CSMD3: variants seen among roughly 807,000 people sequenced by gnomAD.
CSMD3 encodes the protein CUB and sushi domain-containing protein 3.
CSMD3 carries 177 observed loss-of-function variants against 435.2 expected under a neutral mutation model. The ratio of observed to expected loss-of-function variants is 0.41; its 90% confidence interval spans 0.36 to 0.46. CSMD3 has a LOEUF of 0.46. Ranked by LOEUF, CSMD3 falls within the 20% of genes least tolerant of loss-of-function variation. CSMD3 has a pLI of 0.34. For synonymous variants in CSMD3, 1,656 were observed against 1,520.5 expected, an observed-to-expected ratio of 1.09 and a Z score of -2.07; for missense variants, 4,265 against 4,504.6, an observed-to-expected ratio of 0.95 and a Z score of 1.52.
At chr8:112,755,279 C>T (rs1458988948) in intron 13 of CSMD3, among the ~76,000 whole-genome samples, 1 of 151,196 alleles carries the variant, frequency 6.6e-6, no homozygotes, top group African/African-American at 2.4e-5. Flanking sequence ...TGCAGTGAGC[C>T]GAGATTGCGC....
Position 112,244,216 on chromosome 8 carries a change from T to A in CSMD3, c.10402+178A>T, listed in dbSNP as rs185127453. ...ATTCTCATGGGAAAAAAGCTATGAA[T>A]AGACTCATAAAATTTATATGCCTCT... is the stretch of plus-strand genomic sequence containing the variant. On this transcript the variant is annotated intron_variant, in intron 65 of 70. Coordinates refer to ENST00000297405, the MANE Select transcript of CSMD3 (RefSeq NM_198123.2). 1.8e-4 allele frequency among the ~76,000 whole-genome samples: 27 copies of A among 152,268 alleles called. 1 individual carries two copies. The highest frequency in any genetic ancestry group is 1.0e-4 in the Non-Finnish European group (7 of 68,016).
chr8:112,703,108 T>C (rs1264311515), intron 13 of CSMD3, among the ~76,000 whole-genome samples: 1 of 152,206 alleles, frequency 6.6e-6, no homozygotes, highest in Non-Finnish European at 1.5e-5. Context: ...GAATATAAAA[T>C]GAGGTTGGGA....
chr8:112,882,960 T>A (rs971598826), intron 10 of CSMD3, among the ~76,000 whole-genome samples: 1 of 151,926 alleles, frequency 6.6e-6, no homozygotes, highest in Non-Finnish European at 1.5e-5. Flanking sequence ...AGCTCATATT[T>A]AAGATTGAGA....
Position 113,233,682 on chromosome 8 carries a change from T to C in CSMD3, c.514+44910A>G, listed in dbSNP as rs2093115713. Among the ~76,000 whole-genome samples the C allele has an allele frequency of 3.3e-5, 5 of 151,910 alleles. 1 individual carries two copies. The highest frequency in any genetic ancestry group is 3.3e-4 in the Admixed American group (5 of 15,206). ...ATAAGCTGTTTATAAGAAACACTTA[T>C]ATTCAAGGATTAAGAAAAGTTGAGA... On this transcript the variant is annotated intron_variant, in intron 3 of 70. Coordinates refer to ENST00000297405, the MANE Select transcript of CSMD3 (RefSeq NM_198123.2).
At chr8:112,338,874 T>G (rs2130974218) in intron 42 of CSMD3, among the ~76,000 whole-genome samples, 1 of 152,256 alleles carries the variant, frequency 6.6e-6, no homozygotes, top group Non-Finnish European at 1.5e-5. Context: ...TTCTATTAAA[T>G]ATACCCTTTC....
chr8:112,552,637 G>A lies in CSMD3; in HGVS notation c.4318C>T (p.Arg1440Cys), dbSNP rs375743688. 43 of 1,611,506 alleles carry A rather than the reference G, an allele frequency of 2.7e-5. No homozygotes were observed. The highest frequency in any genetic ancestry group is 1.6e-4 in the East Asian group (7 of 44,740). ...TCTACCTCAATCATCCACATGCAAC[G>A]CAGGTTATTGTCATATGGAAAAGGA... ...GYPFPYDNNL[R>C]CMWMIEVDPG... Residue 1440 changes from arginine (R) to cysteine (C), a missense_variant, in exon 26 of 71, where the codon CGT (arginine) becomes TGT (cysteine). This residue lies in a region of CSMD3 where 3,255 missense variants were observed against 3,380.2 expected (regional missense o/e 0.96). Transcript: ENST00000297405.
rs562473995 is a variant in CSMD3 at position 112,701,624 on chromosome 8, C to T, written c.1973-11574G>A. On this transcript the variant is annotated intron_variant, in intron 13 of 70. Coordinates refer to ENST00000297405, the MANE Select transcript of CSMD3 (RefSeq NM_198123.2). ...TTAAGAAATTTTTTTGTCTCTACTC[C>T]TTTGGCCCACCAAAGTTCCACCCCT... Among the ~76,000 whole-genome samples the T allele has an allele frequency of 1.3e-4, 20 of 152,220 alleles. No homozygotes were observed. In the East Asian group the frequency reaches 3.7e-3, roughly 28 times the overall value.
rs183225989 is a variant in CSMD3, at chr8:113,274,588, T to G, written c.514+4004A>C. Among the ~76,000 whole-genome samples, 33 of 152,218 alleles carry G rather than the reference T, an allele frequency of 2.2e-4. No individual in the cohort carries two copies. In the East Asian group the frequency reaches 6.0e-3, roughly 28 times the overall value. Reference sequence around the variant, plus strand: ...TATTGGTCTTTCATCATAGACAGTTTGAAAAATGTAGAGAGTGAATAAGTA... The same window carrying G: ...TATTGGTCTTTCATCATAGACAGTTGGAAAAATGTAGAGAGTGAATAAGTA... On this transcript the variant is annotated intron_variant, in intron 3 of 70. Transcript: ENST00000297405.
chr8:112,741,175 C>A (rs2077296127), intron 13 of CSMD3, among the ~76,000 whole-genome samples: 1 of 151,810 alleles, frequency 6.6e-6, no homozygotes. Flanking sequence ...AAGGAAAAGA[C>A]AACCTACCAG....
intron 1 of CSMD3, among the ~76,000 whole-genome samples, chr8:113,400,436 T>G (rs2094504743): frequency 6.6e-6 from 1 of 152,010 alleles, no homozygotes; most frequent in South Asian, 2.1e-4. Context: ...CATTGTTTTT[T>G]GCACTAATCT....
chr8:112,912,531 C>T (rs760997359), intron 10 of CSMD3, among the ~76,000 whole-genome samples: 1 of 151,556 alleles, frequency 6.6e-6, no homozygotes, highest in Non-Finnish European at 1.5e-5. Flanking sequence ...GAAAATTGGA[C>T]CTTTATTTCA....
At chr8:112,249,844 C>A (rs1456012807) in intron 63 of CSMD3, among the ~76,000 whole-genome samples, 1 of 152,070 alleles carries the variant, frequency 6.6e-6, no homozygotes, top group Non-Finnish European at 1.5e-5. Context: ...CAGCCATCAT[C>A]TGTAGAAACC....
intron 36 of CSMD3, among the ~76,000 whole-genome samples, chr8:112,385,843 A>G (rs562037729): frequency 2.0e-5 from 3 of 152,218 alleles, no homozygotes; most frequent in Non-Finnish European, 4.4e-5. Flanking sequence ...GGGAGAAAGA[A>G]AGTCAGTTTA....
chr8:112,431,816 C>T (rs1436750347), intron 32 of CSMD3, among the ~76,000 whole-genome samples: 3 of 152,048 alleles, frequency 2.0e-5, no homozygotes, highest in Non-Finnish European at 4.4e-5. Flanking sequence ...TCATATTCAC[C>T]ACAAGCACAA....
intron 3 of CSMD3, among the ~76,000 whole-genome samples, chr8:113,216,970 T>A (rs758857289): frequency 1.3e-5 from 2 of 151,752 alleles, no homozygotes; most frequent in Non-Finnish European, 2.9e-5. Flanking sequence ...AAATGGCAAC[T>A]GAGGAACAAA....
At position 113,350,145 on chromosome 8, in the gene CSMD3, CATAG is replaced by C. The variant is rs1214858737; in HGVS notation, c.179-35356_179-35353del. ...TGGATGTTTCAGTCCAAGCAGAGGT[CATAG>C]ATAAAGGCATGAGTGACCCCCGACA... is the stretch of plus-strand genomic sequence containing the variant. On this transcript the variant is annotated intron_variant, in intron 1 of 70. Transcript: ENST00000297405. Among the ~76,000 whole-genome samples the C allele has an allele frequency of 5.3e-5, 8 of 152,022 alleles. No homozygotes were observed. The East Asian group carries it at 1.4e-3, about 26-fold the overall frequency.
chr8:113,009,990 G>A (rs1327102234), intron 6 of CSMD3, among the ~76,000 whole-genome samples: 2 of 151,614 alleles, frequency 1.3e-5, no homozygotes, highest in Non-Finnish European at 3.0e-5. Context: ...TAATATATTT[G>A]TCTGTTAAAT....
chr8:113,168,543 A>AAAAAAAAAAAAAAT, intron 4 of CSMD3, among the ~76,000 whole-genome samples: 1 of 149,568 alleles, frequency 6.7e-6, no homozygotes, highest in East Asian at 1.9e-4. Context: ...AAAAAAAAAA[A>AAAAAAAAAAAAAAT]AAAACTACAG....
intron 38 of CSMD3, among the ~76,000 whole-genome samples, chr8:112,366,892 G>T (rs1335144885): frequency 6.6e-6 from 1 of 152,114 alleles, no homozygotes; most frequent in East Asian, 1.9e-4. Flanking sequence ...AAAGTGTCTT[G>T]AACTTGATAG....
Sources: allele counts gnomAD v4.1 joint callset (sites outside exome capture counted in the v4.1 genomes callset), GRCh38; gene constraint gnomAD v4.1.1; regional missense constraint gnomAD v4.1.1; transcripts MANE v1.5; gene names NCBI Gene and HGNC (gene_info 2026-07-23, HGNC 2026-07-21).